The following DLGAP1 variants were observed in gnomAD, a reference collection of about 807,000 sequenced individuals.
DLGAP1 encodes the protein disks large-associated protein 1.
DLGAP1 carries 11 observed loss-of-function variants against 90.8 expected under a neutral mutation model. The observed-to-expected ratio is 0.12, with a 90% confidence interval of 0.08 to 0.20. The LOEUF (loss-of-function observed/expected upper bound fraction) is 0.20. Among genes scored for constraint, DLGAP1 ranks in the 10% least tolerant of loss-of-function variants. The pLI is 1.00. For synonymous variants in DLGAP1, 558 were observed against 540.7 expected, an observed-to-expected ratio of 1.03 and a Z score of -0.44; for missense variants, 1,050 against 1,333.8, an observed-to-expected ratio of 0.79 and a Z score of 3.31.
chr18:4,350,874 C>T (rs2081389823), intron 1 of DLGAP1, among the ~76,000 whole-genome samples: 1 of 152,000 alleles, frequency 6.6e-6, no homozygotes, highest in Non-Finnish European at 1.5e-5. Flanking sequence ...TAGGTAGAGG[C>T]ATGTTATTAT....
At chr18:3,514,267 C>T (rs1231354171) in intron 10 of DLGAP1, among the ~76,000 whole-genome samples, 5 of 152,030 alleles carry the variant, frequency 3.3e-5, no homozygotes, top group Non-Finnish European at 7.4e-5. Context: ...CCACTGTGCC[C>T]TGCCTCTCTG....
intron 9 of DLGAP1, among the ~76,000 whole-genome samples, chr18:3,555,917 CT>C (rs1214109844): frequency 6.6e-6 from 1 of 151,852 alleles, no homozygotes; most frequent in South Asian, 2.1e-4. Context: ...CTTTCTCCTC[CT>C]TTTTTTTGAA....
chr18:4,106,137 AACTGTC>A (rs1353700302), intron 2 of DLGAP1, among the ~76,000 whole-genome samples: 3 of 152,050 alleles, frequency 2.0e-5, no homozygotes, highest in Admixed American at 6.5e-5. Flanking sequence ...AGCAGTTGGT[AACTGTC>A]TCTAGCTCAG....
intron 1 of DLGAP1, among the ~76,000 whole-genome samples, chr18:4,317,992 C>T (rs1015220284): frequency 3.9e-5 from 6 of 152,064 alleles, no homozygotes; most frequent in African/African-American, 7.2e-5. Flanking sequence ...GGATTACAGG[C>T]GCGTACCATC....
chr18:4,398,939 C>T (rs925723174), intron 1 of DLGAP1, among the ~76,000 whole-genome samples: 1 of 152,138 alleles, frequency 6.6e-6, no homozygotes, highest in African/African-American at 2.4e-5. Context: ...CCAAGCAATT[C>T]CCCTGCCTCA....
chr18:3,748,555 A>C (rs1002934343), intron 5 of DLGAP1, among the ~76,000 whole-genome samples: 2 of 152,214 alleles, frequency 1.3e-5, no homozygotes, highest in African/African-American at 4.8e-5. Flanking sequence ...CTGACTTACA[A>C]AAGTATTGGA....
intron 1 of DLGAP1, among the ~76,000 whole-genome samples, chr18:4,194,336 A>C (rs1359755191): frequency 6.6e-6 from 1 of 152,202 alleles, no homozygotes; most frequent in Non-Finnish European, 1.5e-5. Flanking sequence ...GAAATTTTGA[A>C]ATATCTCTTG....
At chr18:3,943,756 A>C (rs926693620) in intron 3 of DLGAP1, among the ~76,000 whole-genome samples, 23 of 152,134 alleles carry the variant, frequency 1.5e-4, no homozygotes, top group African/African-American at 3.9e-4. Context: ...TCGGAATGTG[A>C]CTGTACTGTA....
chr18:3,980,481 C>T lies in DLGAP1; in HGVS notation c.-73+24635G>A, dbSNP rs112997204. Among the ~76,000 whole-genome samples, 79 of 152,270 alleles carry T rather than the reference C, an allele frequency of 5.2e-4. 1 individual carries two copies. The highest frequency in any genetic ancestry group is 1.8e-3 in the African/African-American group (76 of 41,550). On this transcript the variant is annotated intron_variant, in intron 3 of 12. Transcript: ENST00000315677. ...AAATGAAGTGGGATATTCATCTTTACCCATAGTAATTTTGTTCAATGTGAT... is the reference window on the plus strand; with the variant it reads ...AAATGAAGTGGGATATTCATCTTTATCCATAGTAATTTTGTTCAATGTGAT...
intron 7 of DLGAP1, among the ~76,000 whole-genome samples, chr18:3,629,290 G>C (rs2058429993): frequency 6.6e-6 from 1 of 152,080 alleles, no homozygotes; most frequent in African/African-American, 2.4e-5. Flanking sequence ...TTGAACCTGG[G>C]AGGTTGAGGC....
chr18:3,785,847 C>T (rs2065426502), intron 5 of DLGAP1, among the ~76,000 whole-genome samples: 1 of 152,156 alleles, frequency 6.6e-6, no homozygotes, highest in Non-Finnish European at 1.5e-5. Flanking sequence ...TGAAAGGGAG[C>T]AGGGGAGCAG....
Position 4,354,887 on chromosome 18 carries a change from C to CAAAAAAAAAAAAAAAAAAAAAAA in DLGAP1, c.-267+100096_-267+100118dup, listed in dbSNP as rs60379984. 8.4e-5 allele frequency among the ~76,000 whole-genome samples: 2 copies of CAAAAAAAAAAAAAAAAAAAAAAA among 23,874 alleles called. 1 individual carries two copies. Among genetic ancestry groups the CAAAAAAAAAAAAAAAAAAAAAAA allele is most frequent in the African/African-American group, 2.2e-4 (2 of 8,960 alleles). The allele number at this position is 23,874 out of a possible 152,430, so 15.7% of individuals were successfully genotyped here. On this transcript the variant is annotated intron_variant, in intron 1 of 12. Coordinates refer to ENST00000315677, the MANE Select transcript of DLGAP1 (RefSeq NM_004746.4). ...TGGCTTTTTCTGCAATTACTCTCAC[C>CAAAAAAAAAAAAAAAAAAAAAAA]AAAAAAAAAAAAAAAAAAAAAAAAA...
intron 1 of DLGAP1, among the ~76,000 whole-genome samples, chr18:4,376,470 A>G (rs1256427167): frequency 6.6e-6 from 1 of 152,168 alleles, no homozygotes; most frequent in Non-Finnish European, 1.5e-5. Flanking sequence ...AGTGGAAATA[A>G]AAGTGATCAA....
At chr18:4,151,443 G>A (rs927233613) in intron 1 of DLGAP1, among the ~76,000 whole-genome samples, 156 bp from the exon 2 acceptor site, 5 of 152,108 alleles carry the variant, frequency 3.3e-5, no homozygotes, top group Admixed American at 6.6e-5. Flanking sequence ...GTTCTTGCAT[G>A]ATGTCACACT....
intron 3 of DLGAP1, among the ~76,000 whole-genome samples, chr18:3,942,951 A>C (rs2072800220): frequency 1.3e-5 from 2 of 150,662 alleles, no homozygotes; most frequent in Non-Finnish European, 3.0e-5. Context: ...GATGATAATC[A>C]GAACCAGCAA....
At chr18:4,027,722 A>C (rs2074727126) in intron 2 of DLGAP1, among the ~76,000 whole-genome samples, 1 of 152,196 alleles carries the variant, frequency 6.6e-6, no homozygotes, top group South Asian at 2.1e-4. Context: ...ACTGTAATTT[A>C]TTTGAGATCA....
chr18:3,977,363 T>C (rs57775650), intron 3 of DLGAP1, among the ~76,000 whole-genome samples: 9,945 of 151,800 alleles, frequency 0.066, 608 homozygotes, highest in African/African-American at 0.16. Context: ...TGAGTCACTT[T>C]GCCCGGCCTT....
intron 1 of DLGAP1, among the ~76,000 whole-genome samples, chr18:4,217,717 ATTG>A (rs2144940634): frequency 6.6e-6 from 1 of 151,854 alleles, no homozygotes; most frequent in South Asian, 2.1e-4. Context: ...TTGTTTTCTT[ATTG>A]TTGAGTTTTA....
intron 2 of DLGAP1, among the ~76,000 whole-genome samples, chr18:4,075,087 C>T (rs998419431): frequency 6.6e-6 from 1 of 152,140 alleles, no homozygotes; most frequent in Non-Finnish European, 1.5e-5. Flanking sequence ...TACTTTAGAA[C>T]CACTGAAATT....
Sources: gnomAD v4.1 joint callset for allele counts (sites outside exome capture counted in the v4.1 genomes callset) on GRCh38, gnomAD v4.1.1 for gene constraint, MANE v1.5 for transcripts, NCBI Gene and HGNC (gene_info 2026-07-23, HGNC 2026-07-21) for gene names.